Variants in GPHN observed in about 807,000 individuals in gnomAD.
GPHN encodes gephyrin.
A neutral mutation model predicts 95.5 loss-of-function variants in GPHN; 17 were observed. That is an observed-to-expected ratio of 0.18 (90% CI 0.12 to 0.27). GPHN has a LOEUF of 0.27. GPHN is among the 10% of genes least tolerant of loss of function. The pLI, the probability that GPHN is intolerant of heterozygous loss-of-function variation, is 1.00. For missense variants in GPHN, 660 were observed against 978.1 expected (o/e 0.67, Z 4.34); for synonymous variants, 320 against 322.5 (o/e 0.99, Z 0.08).
At chr14:67,396,534 AT>A in the GPHN span, among the ~76,000 whole-genome samples, 1 of 152,084 alleles carries the variant, frequency 6.6e-6, no homozygotes, top group East Asian at 1.9e-4. Context: ...CCAAACTCCT[AT>A]CACTCCTTTG....
chr14:66,731,005 G>T (rs1442887110), intron 2 of GPHN, among the ~76,000 whole-genome samples: 1 of 152,156 alleles, frequency 6.6e-6, no homozygotes, highest in South Asian at 2.1e-4. Context: ...CACGAGATCT[G>T]ATGGTTTGAT....
intron 13 of GPHN, among the ~76,000 whole-genome samples, chr14:67,101,680 T>C (rs932005497): frequency 1.3e-4 from 19 of 151,574 alleles, no homozygotes; most frequent in East Asian, 1.9e-4. Context: ...TTGCAATACA[T>C]AGAAGAGCAG....
At chr14:67,005,392 A>G (rs772935477) in intron 9 of GPHN, among the ~76,000 whole-genome samples, 80 of 151,916 alleles carry the variant, frequency 5.3e-4, no homozygotes, top group Non-Finnish European at 8.8e-4. Flanking sequence ...AACAAGAACT[A>G]TACAGCTAAG....
At chr14:66,667,411 G>C (rs1205409624) in intron 1 of GPHN, among the ~76,000 whole-genome samples, 1 of 151,990 alleles carries the variant, frequency 6.6e-6, no homozygotes, top group African/African-American at 2.4e-5. Flanking sequence ...CTATACTATG[G>C]GGCTACAGTG....
chr14:67,568,888 G>A, the GPHN span: 1 of 458,060 alleles, frequency 2.2e-6, no homozygotes, highest in Non-Finnish European at 3.9e-6. Flanking sequence ...TTATATTCCA[G>A]GTGTTAAATG....
At chr14:66,947,611 T>C (rs934050377) in intron 8 of GPHN, among the ~76,000 whole-genome samples, 14 of 152,178 alleles carry the variant, frequency 9.2e-5, no homozygotes, top group Admixed American at 5.2e-4. Context: ...AATTAAATTC[T>C]TAAGACTGAC....
At chr14:67,103,675 A>G (rs1431083392) in intron 13 of GPHN, among the ~76,000 whole-genome samples, 1 of 147,970 alleles carries the variant, frequency 6.8e-6, no homozygotes, top group Non-Finnish European at 1.5e-5. Context: ...TTTCTCTGCT[A>G]GTTTGTTCTT....
the GPHN span, among the ~76,000 whole-genome samples, chr14:67,323,039 A>G: frequency 2.0e-5 from 3 of 152,174 alleles, no homozygotes; most frequent in Non-Finnish European, 4.4e-5. Context: ...TAATTGCTCC[A>G]AAATTGATTT....
At chr14:67,265,169 A>G in the GPHN span, among the ~76,000 whole-genome samples, 13 of 152,192 alleles carry the variant, frequency 8.5e-5, no homozygotes, top group Admixed American at 5.9e-4. Context: ...CTGGATGACA[A>G]ATGAAGGTAC....
At chr14:67,020,945 G>T (rs958160505) in intron 9 of GPHN, among the ~76,000 whole-genome samples, 2 of 151,846 alleles carry the variant, frequency 1.3e-5, no homozygotes, top group East Asian at 3.9e-4. Flanking sequence ...AGAAAAAAAC[G>T]AGAAGCCATA....
intron 1 of GPHN, among the ~76,000 whole-genome samples, chr14:66,659,293 T>C (rs1334196219): frequency 6.6e-6 from 1 of 152,096 alleles, no homozygotes; most frequent in East Asian, 1.9e-4. Context: ...GTTTCCATTC[T>C]GGTCAAATAA....
At chr14:66,562,255 C>T (rs377341389) in intron 1 of GPHN, among the ~76,000 whole-genome samples, 238 of 152,142 alleles carry the variant, frequency 1.6e-3, no homozygotes, top group African/African-American at 4.1e-3. Context: ...ATAAATTCTG[C>T]GGATCTATTT....
At chr14:66,545,031 C>G (rs903086151) in intron 1 of GPHN, among the ~76,000 whole-genome samples, 8 of 152,246 alleles carry the variant, frequency 5.3e-5, no homozygotes, top group Non-Finnish European at 8.8e-5. Flanking sequence ...TCACTCTTTT[C>G]CCCACTTTCT....
the GPHN span, among the ~76,000 whole-genome samples, chr14:67,277,930 G>A: frequency 6.6e-6 from 1 of 152,014 alleles, no homozygotes; most frequent in African/African-American, 2.4e-5. Context: ...CCTGTTTACT[G>A]TGATCTTTTT....
At chr14:67,495,328 C>T in the GPHN span, among the ~76,000 whole-genome samples, 3 of 152,310 alleles carry the variant, frequency 2.0e-5, no homozygotes, top group East Asian at 5.8e-4. Flanking sequence ...GATCAACAAC[C>T]TTGCAGAAGG....
chr14:66,932,453 T>TG (rs1567118295), intron 8 of GPHN, among the ~76,000 whole-genome samples: 37 of 116,622 alleles, frequency 3.2e-4, no homozygotes, highest in South Asian at 6.8e-4. Flanking sequence ...GGTTTTTTTT[T>TG]TTTTTTTTTT....
intron 1 of GPHN, among the ~76,000 whole-genome samples, chr14:66,522,562 T>C (rs527711317): frequency 2.2e-4 from 33 of 152,250 alleles, no homozygotes; most frequent in Non-Finnish European, 4.3e-4. Context: ...TTAAACACTT[T>C]TTCAAGATAC....
intron 1 of GPHN, among the ~76,000 whole-genome samples, chr14:66,539,212 G>A (rs186538933): frequency 2.0e-5 from 3 of 151,230 alleles, no homozygotes; most frequent in Admixed American, 6.6e-5. Context: ...TGTTTTTTGC[G>A]GTTTGTCCCC....
chr14:67,689,964 T>G, the GPHN span: 2 of 409,658 alleles, frequency 4.9e-6, no homozygotes, highest in African/African-American at 2.0e-5. Flanking sequence ...AAAAGTTAAG[T>G]AACTTGCTAT....
Sources: gnomAD v4.1 joint callset for allele counts (sites outside exome capture counted in the v4.1 genomes callset) on GRCh38, gnomAD v4.1.1 for gene constraint, MANE v1.5 for transcripts, NCBI Gene and HGNC (gene_info 2026-07-23, HGNC 2026-07-21) for gene names.